MGME1: variants seen among roughly 807,000 people sequenced by gnomAD.
MGME1 encodes the protein chromosome 20 open reading frame 72.
In MGME1, 22 loss-of-function variants were observed where a neutral mutation model predicts 33.0. The observed-to-expected ratio is 0.67, with a 90% confidence interval of 0.48 to 0.95. The LOEUF (loss-of-function observed/expected upper bound fraction) is 0.95, where lower values mean the gene tolerates loss of function less well. Among genes scored for constraint, MGME1 ranks in the 40% least tolerant of loss-of-function variants. The probability of loss-of-function intolerance (pLI) is 0.00; values close to 1 mark genes in which losing one functional copy is unlikely to be tolerated. For missense variants in MGME1, 383 were observed against 397.8 expected (o/e 0.96, Z 0.32); for synonymous variants, 133 against 144.0 (o/e 0.92, Z 0.55).
rs1210014843 is a variant in MGME1, at chr20:17,990,208, G to C, written c.*99G>C. On this transcript the variant is annotated 3_prime_UTR_variant, in exon 5 of 5. Transcript: ENST00000377710. ...GTAAAAATGAGGTGCCACTGGATCT[G>C]AGTGCTACACGAACACAAGTAGAAG... The C allele has an allele frequency of 2.0e-6, 2 of 996,896 alleles. No individual in the cohort carries two copies. The highest frequency in any genetic ancestry group is 1.6e-5 in the African/African-American group (1 of 61,882). 61.8% of individuals were successfully genotyped at this position (996,896 alleles called of 1,614,324 possible). A position where few individuals can be genotyped will look rare whatever the true frequency, so the allele number is the denominator to read the frequency against.
chr20:17,986,992 C>T (rs1263160964), intron 3 of MGME1, among the ~76,000 whole-genome samples: 2 of 151,676 alleles, frequency 1.3e-5, no homozygotes, highest in Non-Finnish European at 2.9e-5. Context: ...CCAGCCTGGC[C>T]AATAGGGCGA....
rs982623536 is a variant in MGME1 at position 17,986,456 on chromosome 20, A to C, written c.732-1710A>C. Among the ~76,000 whole-genome samples, 5 of 150,622 alleles carry C rather than the reference A, an allele frequency of 3.3e-5. No individual in the cohort carries two copies. The East Asian group carries it at 8.0e-4, about 24-fold the overall frequency. ...AGTGGTGCAATCTCGGCTCACTGCA[A>C]ACTCCACCTCCTGGGCTCAGCCTCC... On this transcript the variant is annotated intron_variant, in intron 3 of 4. Transcript: ENST00000377710.
In MGME1 at chr20:17,990,667, A is replaced by G. The variant is rs570912934; in HGVS notation, c.*558A>G. On this transcript the variant is annotated 3_prime_UTR_variant, in exon 5 of 5. Transcript: ENST00000377710. ...TACATTTAACCTTTTGAAAAAATAAATACGTGATTAGCCTCAACTAAACAT... is the reference window on the plus strand; with the variant it reads ...TACATTTAACCTTTTGAAAAAATAAGTACGTGATTAGCCTCAACTAAACAT... 6.5e-6 allele frequency: 1 copy of G among 154,256 alleles called. No individual in the cohort carries two copies. The highest frequency in any genetic ancestry group is 2.4e-5 in the African/African-American group (1 of 41,594). 9.6% of individuals were successfully genotyped at this position (154,256 alleles called of 1,614,324 possible).
chr20:17,981,965 T>C (rs566619239), intron 3 of MGME1, among the ~76,000 whole-genome samples: 3 of 151,694 alleles, frequency 2.0e-5, no homozygotes, highest in South Asian at 2.1e-4. Flanking sequence ...ACTTCTCTCT[T>C]AACTCGTTTT....
intron 4 of MGME1, 93 bp downstream of exon 4, chr20:17,988,391 T>G: frequency 7.1e-7 from 1 of 1,408,772 alleles, no homozygotes; most frequent in Non-Finnish European, 9.6e-7. Flanking sequence ...CCTGTAATCC[T>G]AGCACTTTGG....
intron 3 of MGME1, among the ~76,000 whole-genome samples, chr20:17,983,267 T>TTTGTGTG (rs79417227): frequency 0.02 from 2,811 of 142,646 alleles, 51 homozygotes; most frequent in East Asian, 0.031. Context: ...TAGTGTTCTA[T>TTTGTGTG]TGTGTGTGTG....
Position 17,991,003 on chromosome 20 carries a change from T to C in MGME1, c.*894T>C, listed in dbSNP as rs1274805728. The C allele has an allele frequency of 6.6e-6, 1 of 152,196 alleles. No homozygotes were observed. The highest frequency in any genetic ancestry group is 1.5e-5 in the Non-Finnish European group (1 of 68,024). 9.4% of individuals were successfully genotyped at this position (152,196 alleles called of 1,614,324 possible). A position where few individuals can be genotyped will look rare whatever the true frequency, so the allele number is the denominator to read the frequency against. ...AGCCCTGGGGAAGGGTTTTCTGTCT[T>C]ATGGAGTGAGTCTTAGCATTTAAGT... On this transcript the variant is annotated 3_prime_UTR_variant, in exon 5 of 5. Transcript: ENST00000377710.
intron 3 of MGME1, among the ~76,000 whole-genome samples, chr20:17,980,974 A>G (rs1377104529): frequency 1.3e-5 from 2 of 152,068 alleles, no homozygotes; most frequent in Non-Finnish European, 2.9e-5. Context: ...TTTTAAAGAA[A>G]TATAATATTA....
intron 3 of MGME1, among the ~76,000 whole-genome samples, chr20:17,976,351 C>T (rs1340060091): frequency 6.6e-6 from 1 of 151,970 alleles, no homozygotes; most frequent in Non-Finnish European, 1.5e-5. Flanking sequence ...CTCAAACTCC[C>T]GACCTCAAGT....
At chr20:17,983,750 G>A (rs142389276) in intron 3 of MGME1, among the ~76,000 whole-genome samples, 696 of 152,246 alleles carry the variant, frequency 4.6e-3, no homozygotes, top group Non-Finnish European at 7.7e-3. Flanking sequence ...CTTCTTTTAA[G>A]AAATATTCAT....
chr20:17,985,593 G>A (rs766345509), intron 3 of MGME1, among the ~76,000 whole-genome samples: 4 of 152,104 alleles, frequency 2.6e-5, no homozygotes, highest in South Asian at 2.1e-4. Context: ...TTCACTCACC[G>A]CTCACTCACT....
chr20:17,974,061 G>GTGTTTTTTTTTTTTTTTTT (rs760926414), intron 2 of MGME1, among the ~76,000 whole-genome samples: 1 of 85,472 alleles, frequency 1.2e-5, no homozygotes, highest in Non-Finnish European at 2.4e-5. Context: ...CTCTTTGTGT[G>GTGTTTTTTTTTTTTTTTTT]TTTTTTTTTT....
intron 3 of MGME1, among the ~76,000 whole-genome samples, chr20:17,980,454 C>T (rs1163625706): frequency 6.6e-6 from 1 of 151,910 alleles, no homozygotes; most frequent in Non-Finnish European, 1.5e-5. Flanking sequence ...TCATTTGTCC[C>T]CACACTCATT....
Position 17,972,445 on chromosome 20 carries a change from T to A in MGME1, c.511+2075T>A, listed in dbSNP as rs1000119102. Among the ~76,000 whole-genome samples, 239 of 151,598 alleles carry A rather than the reference T, an allele frequency of 1.6e-3. 2 individuals carry two copies. Among genetic ancestry groups the A allele is most frequent in the African/African-American group, 5.3e-3 (221 of 41,392 alleles). ...TGGGGTTTAGGTTTTAATTTTTTTT[T>A]TTTTTTTTTTGCTACGCTGATTTAA... On this transcript the variant is annotated intron_variant, in intron 2 of 4. Transcript: ENST00000377710.
At chr20:17,984,237 A>G (rs1600399901) in intron 3 of MGME1, among the ~76,000 whole-genome samples, 1 of 152,148 alleles carries the variant, frequency 6.6e-6, no homozygotes, top group African/African-American at 2.4e-5. Context: ...TTTCTGGGCT[A>G]TCTGTCCTGT....
chr20:17,976,629 C>A (rs762067177), intron 3 of MGME1, among the ~76,000 whole-genome samples: 2 of 152,138 alleles, frequency 1.3e-5, no homozygotes, highest in African/African-American at 4.8e-5. Flanking sequence ...TCTGAACTTA[C>A]TAAAGCTTCC....
At chr20:17,988,862 G>A (rs1370327750) in intron 4 of MGME1, among the ~76,000 whole-genome samples, 1 of 152,046 alleles carries the variant, frequency 6.6e-6, no homozygotes, top group East Asian at 1.9e-4. Context: ...GGCCGAGGCA[G>A]GCAGATTGCT....
In MGME1 at chr20:17,989,927, G is replaced by A; in HGVS notation, c.865-12G>A. On this transcript the variant is annotated splice_polypyrimidine_tract_variant and intron_variant, in intron 4 of 4. Transcript: ENST00000377710. ...TGTAGTGAAACGAGAATTGCCCTGT[G>A]TTTCTTCCTAGGTTCAATGTGGCTT... is the stretch of plus-strand genomic sequence containing the variant. 1 of 1,611,470 alleles carries A rather than the reference G, an allele frequency of 6.2e-7. No individual in the cohort carries two copies. Among genetic ancestry groups the A allele is most frequent in the Non-Finnish European group, 8.5e-7 (1 of 1,178,862 alleles).
chr20:17,989,472 A>G (rs1031088078), intron 4 of MGME1, among the ~76,000 whole-genome samples: 1 of 150,422 alleles, frequency 6.6e-6, no homozygotes, highest in Non-Finnish European at 1.5e-5. Flanking sequence ...CAGCACTTTG[A>G]AGGAGGCCGA....
Sources: gnomAD v4.1 joint callset for allele counts (sites outside exome capture counted in the v4.1 genomes callset) on GRCh38, gnomAD v4.1.1 for gene constraint, MANE v1.5 for transcripts, NCBI Gene and HGNC (gene_info 2026-07-23, HGNC 2026-07-21) for gene names.